Variants in CCDC93 observed in about 807,000 individuals in gnomAD.
CCDC93 encodes coiled-coil domain-containing protein 93.
A neutral mutation model predicts 108.2 loss-of-function variants in CCDC93; 61 were observed. That is an observed-to-expected ratio of 0.56 (90% confidence interval 0.46 to 0.70). CCDC93 has a LOEUF of 0.70. Ranked by LOEUF, CCDC93 falls within the 30% of genes least tolerant of loss-of-function variation. The probability of loss-of-function intolerance (pLI) is 0.00; values close to 1 mark genes in which losing one functional copy is unlikely to be tolerated. For missense variants in CCDC93, 685 were observed against 764.2 expected (o/e 0.90, Z 1.22); for synonymous variants, 276 against 260.4 (o/e 1.06, Z -0.58).
At position 117,967,308 on chromosome 2, in the gene CCDC93, A is replaced by T. The variant is rs145083368; in HGVS notation, c.888+6600T>A. Among the ~76,000 whole-genome samples the T allele has an allele frequency of 3.1e-3, 467 of 152,316 alleles. 1 individual carries two copies. Among genetic ancestry groups the T allele is most frequent in the African/African-American group, 0.011 (437 of 41,582 alleles). On this transcript the variant is annotated intron_variant, in intron 11 of 23. Transcript: ENST00000376300. ...ATGCCTAGCCAGATATTACCCTTTAAAGGACTGCATGAGACCACATTAATG... is the reference window on the plus strand; with the variant it reads ...ATGCCTAGCCAGATATTACCCTTTATAGGACTGCATGAGACCACATTAATG...
At chr2:117,983,253 CAA>C (rs997181280) in intron 7 of CCDC93, among the ~76,000 whole-genome samples, 5 of 152,176 alleles carry the variant, frequency 3.3e-5, no homozygotes, top group African/African-American at 1.2e-4. Context: ...ACTACCCCTC[CAA>C]TTGGCGTATT....
At chr2:117,950,348 AAAG>A (rs1281074236) in intron 13 of CCDC93, 3 of 985,308 alleles carry the variant, frequency 3.0e-6, no homozygotes, top group African/African-American at 3.5e-5. Flanking sequence ...CTTAGACATA[AAAG>A]AATACTGCAT....
intron 18 of CCDC93, 76 bp from the exon 19 acceptor site, chr2:117,941,373 G>T: frequency 8.6e-7 from 1 of 1,166,548 alleles, no homozygotes. Context: ...CCAAAATATT[G>T]CCTGCACCCC....
chr2:117,972,453 G>C (rs1679795563), intron 11 of CCDC93, among the ~76,000 whole-genome samples: 1 of 152,172 alleles, frequency 6.6e-6, no homozygotes, highest in South Asian at 2.1e-4. Flanking sequence ...GGGGAAGTCA[G>C]GTGAGCTTTA....
intron 20 of CCDC93, among the ~76,000 whole-genome samples, chr2:117,937,989 T>C (rs146311981): frequency 3.7e-4 from 57 of 152,282 alleles, no homozygotes; most frequent in African/African-American, 1.1e-3. Context: ...AGGTAAAAGA[T>C]ACATTTGTAA....
chr2:117,943,227 G>A (rs1052730915), intron 18 of CCDC93, among the ~76,000 whole-genome samples: 15 of 152,180 alleles, frequency 9.9e-5, no homozygotes, highest in Admixed American at 9.2e-4. Flanking sequence ...ACATGTCTTG[G>A]TTCTCAAATA....
chr2:117,930,231 T>TACA (rs1678281687), intron 23 of CCDC93, among the ~76,000 whole-genome samples: 1 of 152,192 alleles, frequency 6.6e-6, no homozygotes. Flanking sequence ...AACACCAGGA[T>TACA]ACAATCTACC....
At chr2:118,013,909 T>C (rs1677089007) in intron 1 of CCDC93, 45 bp downstream of exon 1, 1 of 1,516,690 alleles carries the variant, frequency 6.6e-7, no homozygotes, top group Non-Finnish European at 8.9e-7. Context: ...CTCGGCCCTC[T>C]CTTCAGGAAC....
At chr2:117,968,306 C>T (rs1293475187) in intron 11 of CCDC93, among the ~76,000 whole-genome samples, 2 of 152,164 alleles carry the variant, frequency 1.3e-5, no homozygotes, top group Non-Finnish European at 2.9e-5. Context: ...GACAGTCAGG[C>T]ATTTCAGTTT....
chr2:117,930,377 C>T (rs1316516369), intron 23 of CCDC93, among the ~76,000 whole-genome samples: 1 of 152,166 alleles, frequency 6.6e-6, no homozygotes, highest in Non-Finnish European at 1.5e-5. Context: ...TGGAAAATCT[C>T]TTAAGGGCAG....
At chr2:117,968,479 T>G (rs1231985443) in intron 11 of CCDC93, among the ~76,000 whole-genome samples, 1 of 152,226 alleles carries the variant, frequency 6.6e-6, no homozygotes, top group Non-Finnish European at 1.5e-5. Flanking sequence ...CTACTCAGCC[T>G]AGAGTCTACG....
intron 23 of CCDC93, 113 bp from the exon 24 acceptor site, chr2:117,920,509 A>G (rs1677826587): frequency 1.6e-6 from 1 of 617,824 alleles, no homozygotes; most frequent in East Asian, 2.8e-5. Context: ...CTCCTGGCCA[A>G]CCCAGTCTCT....
intron 18 of CCDC93, among the ~76,000 whole-genome samples, chr2:117,942,763 A>C (rs756806694): frequency 2.6e-5 from 4 of 152,164 alleles, no homozygotes; most frequent in Non-Finnish European, 5.9e-5. Flanking sequence ...CAGACACCCA[A>C]ATCTCCAGGC....
At chr2:117,943,478 C>G (rs1466437038) in intron 18 of CCDC93, among the ~76,000 whole-genome samples, 2 of 152,228 alleles carry the variant, frequency 1.3e-5, no homozygotes, top group East Asian at 3.9e-4. Context: ...GGGAAAGGGG[C>G]TCTCACTGGC....
intron 11 of CCDC93, among the ~76,000 whole-genome samples, chr2:117,970,900 G>T (rs889005897): frequency 6.6e-6 from 1 of 152,150 alleles, no homozygotes; most frequent in African/African-American, 2.4e-5. Context: ...CACACAGAGG[G>T]AGTGATAACC....
chr2:117,957,179 C>T (rs1679248204), intron 12 of CCDC93, among the ~76,000 whole-genome samples: 1 of 152,194 alleles, frequency 6.6e-6, no homozygotes, highest in African/African-American at 2.4e-5. Context: ...GCGTGAGCCA[C>T]CACACCTGGC....
intron 11 of CCDC93, among the ~76,000 whole-genome samples, chr2:117,959,526 G>C (rs1469535620): frequency 6.6e-6 from 1 of 152,204 alleles, no homozygotes; most frequent in African/African-American, 2.4e-5. Flanking sequence ...AAAGAAATGG[G>C]AAAGTGAGAA....
chr2:117,938,313 T>G (rs1019631250), intron 20 of CCDC93, among the ~76,000 whole-genome samples: 2 of 152,222 alleles, frequency 1.3e-5, no homozygotes, highest in Non-Finnish European at 2.9e-5. Context: ...GACTGTTCTC[T>G]TTTTTAAATT....
At chr2:118,002,235 A>T (rs138352757) in intron 3 of CCDC93, among the ~76,000 whole-genome samples, 1 of 152,182 alleles carries the variant, frequency 6.6e-6, no homozygotes, top group Non-Finnish European at 1.5e-5. Context: ...TGTTCAGAGA[A>T]GTCTTGTCCA....
Sources: allele counts gnomAD v4.1 joint callset (sites outside exome capture counted in the v4.1 genomes callset), GRCh38; gene constraint gnomAD v4.1.1; transcripts MANE v1.5; gene names NCBI Gene and HGNC (gene_info 2026-07-23, HGNC 2026-07-21).